Variants in SUGCT observed in about 807,000 individuals in gnomAD.
SUGCT encodes the protein succinyl-CoA:glutarate CoA-transferase.
In SUGCT, 41 loss-of-function variants were observed where a neutral mutation model predicts 55.0. The observed-to-expected ratio is 0.74, with a 90% confidence interval of 0.58 to 0.97. The LOEUF (loss-of-function observed/expected upper bound fraction) is 0.97. Among genes scored for constraint, SUGCT ranks in the 50% least tolerant of loss-of-function variants. The pLI, the probability that SUGCT is intolerant of heterozygous loss-of-function variation, is 0.00. For missense variants in SUGCT, 568 were observed against 547.8 expected, an observed-to-expected ratio of 1.04 and a Z score of -0.37; for synonymous variants, 187 against 200.4, an observed-to-expected ratio of 0.93 and a Z score of 0.56.
chr7:40,503,683 G>T (rs1164462218), intron 12 of SUGCT, among the ~76,000 whole-genome samples: 4 of 152,080 alleles, frequency 2.6e-5, no homozygotes, highest in Non-Finnish European at 5.9e-5. Flanking sequence ...AGAGTTTACT[G>T]TAGACTATTT....
intron 13 of SUGCT, among the ~76,000 whole-genome samples, chr7:40,771,446 C>G (rs565605594): frequency 6.6e-6 from 1 of 151,926 alleles, no homozygotes. Context: ...CTAATGTGCC[C>G]CTTTCCTGTA....
intron 12 of SUGCT, among the ~76,000 whole-genome samples, chr7:40,581,599 G>T (rs1011994976): frequency 2.6e-5 from 4 of 152,186 alleles, no homozygotes; most frequent in African/African-American, 4.8e-5. Context: ...TTTCAAGATT[G>T]TGATTTTGTC....
chr7:40,367,460 AT>A lies in SUGCT; in HGVS notation c.816+50606del, dbSNP rs200567666. On this transcript the variant is annotated intron_variant, in intron 9 of 13. Transcript: ENST00000335693. ...TAAATAAATTACCCAGAAAAAAAAAATAAAATAAAATGGCTGGCACTGCGAT... is the reference window on the plus strand; with the variant it reads ...TAAATAAATTACCCAGAAAAAAAAAAAAAATAAAATGGCTGGCACTGCGAT... Among the ~76,000 whole-genome samples, 11 of 147,762 alleles carry A rather than the reference AT, an allele frequency of 7.4e-5. 1 individual carries two copies. In the South Asian group the frequency reaches 1.8e-3, roughly 24 times the overall value.
chr7:40,243,031 G>A (rs1181479500), intron 7 of SUGCT, among the ~76,000 whole-genome samples: 1 of 138,156 alleles, frequency 7.2e-6, no homozygotes, highest in African/African-American at 2.7e-5. Context: ...ACATCCCGGG[G>A]CTCAGGTGGT....
intron 9 of SUGCT, among the ~76,000 whole-genome samples, chr7:40,347,036 G>T (rs1797354157): frequency 6.6e-6 from 1 of 152,232 alleles, no homozygotes; most frequent in East Asian, 1.9e-4. Flanking sequence ...GCAGAGTGTT[G>T]CTGTAACAAA....
intron 7 of SUGCT, among the ~76,000 whole-genome samples, chr7:40,271,575 A>G (rs996036320): frequency 6.6e-6 from 1 of 152,160 alleles, no homozygotes; most frequent in Non-Finnish European, 1.5e-5. Context: ...TAATAGGTGT[A>G]CATGTTTTCA....
Position 40,135,011 on chromosome 7 carries a change from G to T in SUGCT, c.-10G>T. The T allele has an allele frequency of 6.4e-7, 1 of 1,558,236 alleles. No individual in the cohort carries two copies. On this transcript the variant is annotated 5_prime_UTR_variant, in exon 1 of 14. Coordinates refer to ENST00000335693, the MANE Select transcript of SUGCT (RefSeq NM_001193313.2). ...TTGCACCGGGACCGATGCCATCTGA[G>T]ACGCACGCGATGCTGGCGACGCTGG... is the stretch of plus-strand genomic sequence containing the variant.
intron 6 of SUGCT, among the ~76,000 whole-genome samples, chr7:40,197,084 A>G (rs1284787683): frequency 6.6e-6 from 1 of 152,098 alleles, no homozygotes. Flanking sequence ...ATCCACCCAC[A>G]TCAGCCTCCC....
the SUGCT span, among the ~76,000 whole-genome samples, chr7:40,928,499 A>G: frequency 6.6e-6 from 1 of 151,932 alleles, no homozygotes; most frequent in African/African-American, 2.4e-5. Flanking sequence ...ATATTTTTAA[A>G]TGATTATTCT....
the SUGCT span, among the ~76,000 whole-genome samples, chr7:40,951,664 C>T: frequency 2.6e-5 from 4 of 152,022 alleles, no homozygotes; most frequent in African/African-American, 7.2e-5. Context: ...TCTTTGTTCT[C>T]GTTGGTTTCA....
intron 8 of SUGCT, among the ~76,000 whole-genome samples, chr7:40,297,549 A>G (rs1005668712): frequency 2.6e-5 from 4 of 152,080 alleles, no homozygotes; most frequent in African/African-American, 9.7e-5. Context: ...TTTTGAGGAA[A>G]AGTACTCCAG....
chr7:40,462,685 C>T (rs1369826531), intron 11 of SUGCT, among the ~76,000 whole-genome samples: 1 of 152,086 alleles, frequency 6.6e-6, no homozygotes, highest in Non-Finnish European at 1.5e-5. Context: ...TGTTGAACAC[C>T]TACTATGTGC....
chr7:40,381,562 A>C (rs1784875614), intron 9 of SUGCT, among the ~76,000 whole-genome samples: 1 of 152,166 alleles, frequency 6.6e-6, no homozygotes, highest in Non-Finnish European at 1.5e-5. Context: ...AAAACTATAA[A>C]ATTCAGTAAC....
At chr7:40,433,354 A>G (rs1352053695) in intron 9 of SUGCT, among the ~76,000 whole-genome samples, 6 of 137,334 alleles carry the variant, frequency 4.4e-5, no homozygotes, top group African/African-American at 1.6e-4. Flanking sequence ...TTTTTGTCTT[A>G]TAACTTCTTG....
intron 1 of SUGCT, among the ~76,000 whole-genome samples, chr7:40,166,817 G>A (rs1784443470): frequency 6.6e-6 from 1 of 151,678 alleles, no homozygotes. Flanking sequence ...AACCCAGGAG[G>A]TGGAGGTTGC....
intron 13 of SUGCT, among the ~76,000 whole-genome samples, chr7:40,816,527 G>T (rs1029645347): frequency 6.6e-6 from 1 of 152,156 alleles, no homozygotes; most frequent in East Asian, 1.9e-4. Context: ...ATTTTTATCA[G>T]CCAGACACCA....
At chr7:40,865,215 C>T (rs887340946), downstream of SUGCT, among the ~76,000 whole-genome samples, 9 of 152,042 alleles carry the variant, frequency 5.9e-5, no homozygotes, top group Admixed American at 3.9e-4. Context: ...CACACAGACA[C>T]GCACACAGAG....
At chr7:40,732,223 G>GC (rs1251262542) in intron 12 of SUGCT, among the ~76,000 whole-genome samples, 1 of 152,140 alleles carries the variant, frequency 6.6e-6, no homozygotes, top group Non-Finnish European at 1.5e-5. Context: ...GCTTGTGGCA[G>GC]CATCACTCCA....
At chr7:40,549,048 A>G (rs1041011847) in intron 12 of SUGCT, among the ~76,000 whole-genome samples, 1 of 152,174 alleles carries the variant, frequency 6.6e-6, no homozygotes, top group Non-Finnish European at 1.5e-5. Flanking sequence ...TCTTTGCCCA[A>G]CAGTTTCTCC....
Sources: allele counts gnomAD v4.1 joint callset (sites outside exome capture counted in the v4.1 genomes callset), GRCh38; gene constraint gnomAD v4.1.1; transcripts MANE v1.5; gene names NCBI Gene and HGNC (gene_info 2026-07-23, HGNC 2026-07-21).